MEIKIN: variants seen among roughly 807,000 people sequenced by gnomAD.
MEIKIN encodes meiosis-specific kinetochore protein.
intron 7 of MEIKIN, among the ~76,000 whole-genome samples, chr5:131,914,561 A>T (rs1751383596): frequency 1.2e-5 from 1 of 81,290 alleles, no homozygotes; most frequent in African/African-American, 4.7e-5. Context: ...GGGAAGAGGG[A>T]AGGGGGAAGA....
At chr5:131,888,596 G>C (rs1206379972) in intron 8 of MEIKIN, among the ~76,000 whole-genome samples, 1 of 151,970 alleles carries the variant, frequency 6.6e-6, no homozygotes, top group Non-Finnish European at 1.5e-5. Context: ...GTTCATTGTA[G>C]ATTCTGGATA....
At position 131,942,680 on chromosome 5, in the gene MEIKIN, C is replaced by T. The variant is rs2149656330; in HGVS notation, c.304G>A (p.Asp102Asn). The change falls in exon 4 of 13, where the codon GAC (aspartate) becomes AAC (asparagine). Residue 102 changes from aspartate to asparagine, a missense_variant. Asp to Asn is a conservative substitution (Grantham distance 23). Transcript: ENST00000442687. Reference protein sequence around the residue: ...IASLRESVTDDLQVDSSSSNS... With the variant: ...IASLRESVTDNLQVDSSSSNS... The stretch of plus-strand genomic sequence containing the variant: ...GATGAACTACTATCAACCTGGAGGT[C>T]ATCAGTAACTGATTCCTAAGTGAAA... 2.5e-6 allele frequency: 1 copy of T among 398,414 alleles called. No individual in the cohort carries two copies. The highest frequency in any genetic ancestry group is 4.4e-6 in the Non-Finnish European group (1 of 225,764). The allele number at this position is 398,414 out of a possible 1,614,324, so 24.7% of individuals were successfully genotyped here.
chr5:131,877,314 G>A (rs1750632751), intron 9 of MEIKIN, among the ~76,000 whole-genome samples: 2 of 152,156 alleles, frequency 1.3e-5, no homozygotes, highest in Admixed American at 1.3e-4. Flanking sequence ...AGTAGCTCTT[G>A]CTATATACAA....
At chr5:131,855,652 G>C (rs1370908867) in intron 9 of MEIKIN, among the ~76,000 whole-genome samples, 2 of 151,678 alleles carry the variant, frequency 1.3e-5, no homozygotes, top group African/African-American at 4.8e-5. Flanking sequence ...AAAAGAGGAA[G>C]ACCAAGAGAA....
intron 8 of MEIKIN, among the ~76,000 whole-genome samples, chr5:131,910,385 G>A (rs958365297): frequency 6.6e-6 from 1 of 151,966 alleles, no homozygotes; most frequent in Non-Finnish European, 1.5e-5. Context: ...TTGAACTCGT[G>A]GAGATAGAGA....
Position 131,941,142 on chromosome 5 carries a change from C to CTTTTTTTTTTTTT in MEIKIN, c.349+1480_349+1492dup, listed in dbSNP as rs397999274. ...TTGACAATTCCTTCAAGATCTCTTC[C>CTTTTTTTTTTTTT]TTTTTTTTTTTTTTTTTTTTTTTTT... is the stretch of plus-strand genomic sequence containing the variant. On this transcript the variant is annotated intron_variant, in intron 4 of 12. Coordinates refer to ENST00000442687, the MANE Select transcript of MEIKIN (RefSeq NM_001303622.2). Among the ~76,000 whole-genome samples the CTTTTTTTTTTTTT allele has an allele frequency of 3.7e-4, 22 of 59,696 alleles. 1 individual carries two copies. The highest frequency in any genetic ancestry group is 4.8e-4 in the Non-Finnish European group (17 of 35,162). 39.2% of individuals were successfully genotyped at this position (59,696 alleles called of 152,430 possible). A position where few individuals can be genotyped will look rare whatever the true frequency, so the allele number is the denominator to read the frequency against.
chr5:131,921,672 G>T, intron 6 of MEIKIN, 150 bp downstream of exon 6: 1 of 374,620 alleles, frequency 2.7e-6, no homozygotes, highest in Non-Finnish European at 4.7e-6. Flanking sequence ...AAATAAAAAA[G>T]TAAACTCATA....
intron 5 of MEIKIN, among the ~76,000 whole-genome samples, chr5:131,932,003 G>C (rs906091811): frequency 1.3e-5 from 2 of 152,090 alleles, no homozygotes; most frequent in African/African-American, 4.8e-5. Context: ...TCTTCCACCT[G>C]GTCAGTTTCA....
chr5:131,895,456 A>AG (rs1751022532), intron 8 of MEIKIN, among the ~76,000 whole-genome samples: 1 of 152,202 alleles, frequency 6.6e-6, no homozygotes, highest in Non-Finnish European at 1.5e-5. Context: ...TAGTTTCAGA[A>AG]GGAATGGTAC....
At chr5:131,858,640 A>G (rs1258628560) in intron 9 of MEIKIN, among the ~76,000 whole-genome samples, 1 of 152,232 alleles carries the variant, frequency 6.6e-6, no homozygotes, top group East Asian at 1.9e-4. Context: ...AAGAGAGTAA[A>G]CAGACAACCT....
At chr5:131,840,888 G>C (rs545715020) in intron 11 of MEIKIN, among the ~76,000 whole-genome samples, 2 of 152,298 alleles carry the variant, frequency 1.3e-5, no homozygotes, top group South Asian at 4.1e-4. Context: ...GCTTTGTGGA[G>C]AGGTAGTGCT....
chr5:131,945,245 C>A lies in MEIKIN; in HGVS notation c.111G>T (p.Ser37=), dbSNP rs991275977. The change falls in exon 2 of 13, where the codon TCG becomes TCT. Residue 37 remains serine (S), a synonymous_variant. Transcript: ENST00000442687. ...SPAKAEAPPG[S]KRKGKVHGLS... is the part of the protein sequence containing the mutation. ...AGCCGTGCACTTTGCCTTTTCTCTTCGAACCTGAGAGAGGGCGGCACGTTT... is the reference window on the plus strand; with the variant it reads ...AGCCGTGCACTTTGCCTTTTCTCTTAGAACCTGAGAGAGGGCGGCACGTTT... The A allele has an allele frequency of 5.0e-6, 2 of 399,060 alleles. No individual in the cohort carries two copies. The highest frequency in any genetic ancestry group is 4.1e-5 in the African/African-American group (2 of 48,652). The allele number at this position is 399,060 out of a possible 1,614,324, so 24.7% of individuals were successfully genotyped here.
At chr5:131,832,479 C>T (rs944369317) in intron 11 of MEIKIN, among the ~76,000 whole-genome samples, 9 of 152,066 alleles carry the variant, frequency 5.9e-5, no homozygotes, top group East Asian at 1.9e-4. Context: ...TCTAGGTGCA[C>T]GGTGCAAGCT....
At chr5:131,907,730 G>A (rs1160650610) in intron 8 of MEIKIN, among the ~76,000 whole-genome samples, 1 of 151,580 alleles carries the variant, frequency 6.6e-6, no homozygotes. Context: ...AAATTAGCCG[G>A]GCGTGGTGGC....
chr5:131,908,563 C>T (rs759397354), intron 8 of MEIKIN, among the ~76,000 whole-genome samples: 4 of 152,040 alleles, frequency 2.6e-5, no homozygotes, highest in African/African-American at 4.8e-5. Flanking sequence ...AACATAGTAT[C>T]GGAAGTCTAG....
chr5:131,916,329 T>C (rs944333107), intron 7 of MEIKIN, among the ~76,000 whole-genome samples: 2 of 152,214 alleles, frequency 1.3e-5, no homozygotes, highest in African/African-American at 2.4e-5. Context: ...ACCATTTAGA[T>C]ACAGGCATAT....
chr5:131,860,587 G>A (rs1277856738), intron 9 of MEIKIN, among the ~76,000 whole-genome samples: 1 of 148,440 alleles, frequency 6.7e-6, no homozygotes, highest in African/African-American at 2.5e-5. Flanking sequence ...TGGGATTATA[G>A]GCACCCACCA....
At position 131,817,639 on chromosome 5, in the gene MEIKIN, A is replaced by G. The variant is rs112771915; in HGVS notation, c.1099+1101T>C. Reference sequence around the variant, plus strand: ...AAAAAAAAAAAAAATCCCCTCTCATATATCTCTATCTCCTTTAGGTTCTGT... The same window carrying G: ...AAAAAAAAAAAAAATCCCCTCTCATGTATCTCTATCTCCTTTAGGTTCTGT... On this transcript the variant is annotated intron_variant, in intron 12 of 12. Coordinates refer to ENST00000442687, the MANE Select transcript of MEIKIN (RefSeq NM_001303622.2). 3.4e-3 allele frequency among the ~76,000 whole-genome samples: 509 copies of G among 151,740 alleles called. 4 individuals are homozygous for G. The highest frequency in any genetic ancestry group is 5.2e-3 in the Non-Finnish European group (352 of 67,924).
intron 11 of MEIKIN, among the ~76,000 whole-genome samples, chr5:131,844,288 A>G (rs1239002331): frequency 1.3e-5 from 2 of 152,312 alleles, no homozygotes; most frequent in Non-Finnish European, 1.5e-5. Context: ...CCTTTCACCT[A>G]AAACAACAAA....
Sources: gnomAD v4.1 joint callset for allele counts (sites outside exome capture counted in the v4.1 genomes callset) on GRCh38, gnomAD v4.1.1 for gene constraint, MANE v1.5 for transcripts, NCBI Gene and HGNC (gene_info 2026-07-23, HGNC 2026-07-21) for gene names.